Variants in DCLK1 observed in about 807,000 individuals in gnomAD.
DCLK1 encodes doublecortin like kinase 1, also known as serine/threonine-protein kinase DCLK1.
DCLK1 carries 16 observed loss-of-function variants against 86.2 expected under a neutral mutation model. That is an observed-to-expected ratio of 0.19 (90% confidence interval 0.13 to 0.28). The LOEUF (loss-of-function observed/expected upper bound fraction) is 0.28. DCLK1 is among the 10% of genes least tolerant of loss of function. The pLI is 1.00. For missense variants in DCLK1, 590 were observed against 940.2 expected, an observed-to-expected ratio of 0.63 and a Z score of 4.87; for synonymous variants, 369 against 370.5, an observed-to-expected ratio of 1.00 and a Z score of 0.05.
intron 7 of DCLK1, 132 bp downstream of exon 7, chr13:35,838,959 TC>T (rs774264159): frequency 2.1e-5 from 16 of 750,992 alleles, no homozygotes; most frequent in Middle Eastern, 4.8e-4. Flanking sequence ...TTCAACCCTA[TC>T]CCCTTGTGAT....
chr13:36,022,968 T>C (rs994928461), intron 3 of DCLK1, among the ~76,000 whole-genome samples: 1 of 152,098 alleles, frequency 6.6e-6, no homozygotes, highest in Non-Finnish European at 1.5e-5. Context: ...CAGGCAAATA[T>C]CCCTTGTGAA....
At chr13:36,124,979 G>T (rs927532848) in intron 2 of DCLK1, among the ~76,000 whole-genome samples, 1 of 151,988 alleles carries the variant, frequency 6.6e-6, no homozygotes, top group African/African-American at 2.4e-5. Flanking sequence ...GTTCAAACAG[G>T]GTCAGTCCTG....
intron 15 of DCLK1, 37 bp downstream of exon 15, chr13:35,805,662 T>G: frequency 6.3e-7 from 1 of 1,581,570 alleles, no homozygotes; most frequent in Non-Finnish European, 8.6e-7. Flanking sequence ...AAAAGGAATG[T>G]TAGGAGAGAA....
intron 3 of DCLK1, among the ~76,000 whole-genome samples, chr13:36,106,905 G>C (rs763832605): frequency 6.6e-6 from 1 of 151,960 alleles, no homozygotes; most frequent in African/African-American, 2.4e-5. Context: ...CCCAAGAGTC[G>C]ACCAAATTAT....
At chr13:35,804,276 G>A (rs552303659) in intron 15 of DCLK1, among the ~76,000 whole-genome samples, 19 of 149,226 alleles carry the variant, frequency 1.3e-4, no homozygotes, top group East Asian at 2.0e-4. Context: ...GATTACAGGC[G>A]CATACCACCA....
chr13:35,847,924 C>T (rs535044788), intron 6 of DCLK1: 1 of 985,158 alleles, frequency 1.0e-6, no homozygotes, highest in Non-Finnish European at 1.2e-6. Flanking sequence ...GACAAAAACA[C>T]ACCATGTGGC....
intron 16 of DCLK1, 36 bp from the exon 17 acceptor site, chr13:35,774,735 G>A (rs1476782422): frequency 3.1e-6 from 5 of 1,591,024 alleles, no homozygotes; most frequent in Non-Finnish European, 4.3e-6. Context: ...AGGACAATTA[G>A]GGCGAGGGAA....
intron 3 of DCLK1, among the ~76,000 whole-genome samples, chr13:36,053,136 G>A (rs1883184635): frequency 6.6e-6 from 1 of 152,140 alleles, no homozygotes; most frequent in Non-Finnish European, 1.5e-5. Flanking sequence ...AGTATTAAAA[G>A]GAATGCTATA....
chr13:36,040,579 G>T (rs1882668417), intron 3 of DCLK1, among the ~76,000 whole-genome samples: 2 of 151,688 alleles, frequency 1.3e-5, no homozygotes, highest in South Asian at 4.2e-4. Context: ...GTGTTGACAG[G>T]TTTTTCAACT....
intron 4 of DCLK1, among the ~76,000 whole-genome samples, chr13:35,914,373 A>G (rs7335342): frequency 9.2e-3 from 337 of 36,700 alleles, no homozygotes; most frequent in African/African-American, 0.033. Flanking sequence ...ATATATGTAT[A>G]TATATATATA....
intron 3 of DCLK1, among the ~76,000 whole-genome samples, chr13:36,111,020 G>A (rs1002061766): frequency 6.6e-6 from 1 of 151,472 alleles, no homozygotes; most frequent in African/African-American, 2.4e-5. Context: ...ATTTTGAGTA[G>A]AGACGGGGTT....
At position 35,967,771 on chromosome 13, in the gene DCLK1, T is replaced by A. The variant is rs969501768; in HGVS notation, c.724-20314A>T. The stretch of plus-strand genomic sequence containing the variant: ...TCTGCTGACCTTCCCTCCATTATTG[T>A]CCTATGACCCTGCCAAATCCCCCTC... On this transcript the variant is annotated intron_variant, in intron 3 of 16. Transcript: ENST00000360631. 4.6e-5 allele frequency among the ~76,000 whole-genome samples: 7 copies of A among 151,894 alleles called. No individual in the cohort carries two copies. In the East Asian group the frequency reaches 7.7e-4, roughly 17 times the overall value.
At position 35,848,125 on chromosome 13, in the gene DCLK1, C is replaced by T. The variant is rs144658052; in HGVS notation, c.1035+6374G>A. On this transcript the variant is annotated intron_variant, in intron 6 of 16. Transcript: ENST00000360631. The stretch of plus-strand genomic sequence containing the variant: ...GAACTACAGCACGATGTCTTCAGAG[C>T]GCATTTAAGGATTATCATTAGGACA... 195 of 985,232 alleles carry T rather than the reference C, an allele frequency of 2.0e-4. No individual in the cohort carries two copies. The African/African-American group carries it at 3.3e-3, about 17-fold the overall frequency. The allele number at this position is 985,232 out of a possible 1,614,324, so 61.0% of individuals were successfully genotyped here.
chr13:35,775,505 A>C (rs1448638913), intron 16 of DCLK1, among the ~76,000 whole-genome samples: 2 of 152,190 alleles, frequency 1.3e-5, no homozygotes, highest in Non-Finnish European at 2.9e-5. Context: ...TGTTATCATG[A>C]CATCAGAATG....
chr13:35,826,925 A>C (rs941129448), intron 10 of DCLK1, among the ~76,000 whole-genome samples: 4 of 152,292 alleles, frequency 2.6e-5, no homozygotes, highest in African/African-American at 4.8e-5. Context: ...TGAATATACT[A>C]GAAAAGACTT....
intron 16 of DCLK1, 120 bp downstream of exon 16, chr13:35,793,240 AGTGGCT>A: frequency 1.7e-6 from 1 of 597,094 alleles, no homozygotes; most frequent in South Asian, 2.8e-5. Context: ...TAGTGCATTA[AGTGGCT>A]GAGCTGTCTA....
At chr13:36,060,192 A>G (rs1316538690) in intron 3 of DCLK1, among the ~76,000 whole-genome samples, 8 of 152,146 alleles carry the variant, frequency 5.3e-5, no homozygotes, top group Non-Finnish European at 1.0e-4. Flanking sequence ...ATCTAAGTAG[A>G]ATATCAATAT....
intron 3 of DCLK1, among the ~76,000 whole-genome samples, chr13:35,999,057 C>A: frequency 6.6e-6 from 1 of 152,106 alleles, no homozygotes; most frequent in East Asian, 1.9e-4. Flanking sequence ...GAGTTCGAGA[C>A]CAGCCTGGCC....
intron 3 of DCLK1, among the ~76,000 whole-genome samples, chr13:35,973,114 G>C (rs1037873996): frequency 3.9e-5 from 6 of 152,178 alleles, no homozygotes; most frequent in Non-Finnish European, 8.8e-5. Flanking sequence ...TGAGGGTGGG[G>C]CTAAGGGAGG....
Sources: allele counts gnomAD v4.1 joint callset (sites outside exome capture counted in the v4.1 genomes callset), GRCh38; gene constraint gnomAD v4.1.1; transcripts MANE v1.5; gene names NCBI Gene and HGNC (gene_info 2026-07-23, HGNC 2026-07-21).